The following COL6A2 variants were observed in gnomAD, a reference collection of about 807,000 sequenced individuals.
COL6A2 encodes the protein collagen type VI alpha 2 chain.
A neutral mutation model predicts 124.9 loss-of-function variants in COL6A2; 90 were observed. The ratio of observed to expected loss-of-function variants is 0.72; its 90% CI spans 0.61 to 0.86. The LOEUF (loss-of-function observed/expected upper bound fraction) is 0.86. COL6A2 is among the 40% of genes least tolerant of loss of function. The pLI is 0.00. For missense variants in COL6A2, 1,607 were observed against 1,502.5 expected (o/e 1.07, Z -1.15); for synonymous variants, 793 against 618.2 (o/e 1.28, Z -4.19).
At chr21:46,108,103 TATA>T (rs2078355185) in intron 1 of COL6A2, among the ~76,000 whole-genome samples, 2 of 136,414 alleles carry the variant, frequency 1.5e-5, no homozygotes, top group African/African-American at 3.0e-5. Flanking sequence ...TATATATATA[TATA>T]TTTTTTTTTC....
chr21:46,127,002 G>C (rs771557018), intron 27 of COL6A2, among the ~76,000 whole-genome samples: 2 of 22,878 alleles, frequency 8.7e-5, no homozygotes, highest in Admixed American at 6.1e-4. Flanking sequence ...CGGAGCTGCA[G>C]CTGCGGCTCT....
Position 46,112,101 on chromosome 21 carries a change from C to T in COL6A2, c.238C>T (p.Gln80Ter). 1 of 1,613,220 alleles carries T rather than the reference C, an allele frequency of 6.2e-7. No individual in the cohort carries two copies. The highest frequency in any genetic ancestry group is 8.5e-7 in the Non-Finnish European group (1 of 1,180,032). Residue 80 changes from glutamine (Q) to a stop codon, truncating the protein, a stop_gained, in exon 3 of 28, where the codon CAG becomes TAG. Coordinates refer to ENST00000300527, the MANE Select transcript of COL6A2 (RefSeq NM_001849.4). LOFTEE classifies it high-confidence loss of function. The part of the protein sequence containing the change: ...MKQFVPQFIS[Q>*]LQNEFYLDQV... ...GCAGTTCGTGCCGCAGTTCATCAGCCAGCTGCAGAACGAGTTCTACCTGGA... is the reference window on the plus strand; with the variant it reads ...GCAGTTCGTGCCGCAGTTCATCAGCTAGCTGCAGAACGAGTTCTACCTGGA...
intron 27 of COL6A2, chr21:46,129,297 C>G (rs77011930): frequency 6.2e-7 from 1 of 1,612,950 alleles, no homozygotes. Flanking sequence ...CCAACAGTTG[C>G]TAAACGCCAC....
At chr21:46,103,715 C>G (rs2078310045) in intron 1 of COL6A2, among the ~76,000 whole-genome samples, 2 of 152,146 alleles carry the variant, frequency 1.3e-5, no homozygotes, top group South Asian at 4.1e-4. Context: ...GTCCTTGTTG[C>G]TGATTTTTAA....
chr21:46,126,675 C>T, intron 27 of COL6A2, 134 bp downstream of exon 27: 2 of 1,080,296 alleles, frequency 1.9e-6, no homozygotes, highest in Non-Finnish European at 2.8e-6. Flanking sequence ...GAGGCTGCTC[C>T]TTAGGGAGAT....
intron 21 of COL6A2, among the ~76,000 whole-genome samples, chr21:46,123,652 GATAC>G: frequency 3.3e-5 from 5 of 151,092 alleles, no homozygotes; most frequent in Non-Finnish European, 7.4e-5. Flanking sequence ...TGGATAAGTG[GATAC>G]ATGGGTGAAT....
chr21:46,123,685 GTAGGTGGGTAGGTGGGTAGATGGA>G (rs2078604391), intron 21 of COL6A2, among the ~76,000 whole-genome samples: 1 of 63,142 alleles, frequency 1.6e-5, no homozygotes, highest in Non-Finnish European at 3.6e-5. Context: ...GTATGGGTGA[GTAGGTGGGTAGGTGGGTAGATGGA>G]TGGGTGGGTG....
intron 27 of COL6A2, among the ~76,000 whole-genome samples, 197 bp downstream of exon 27, chr21:46,126,738 AG>A (rs1248715627): frequency 6.6e-6 from 1 of 152,150 alleles, no homozygotes; most frequent in Non-Finnish European, 1.5e-5. Context: ...GCAGGCTCCC[AG>A]GAACGCAGGA....
chr21:46,121,909 C>CT lies in COL6A2; in HGVS notation c.1522-199_1522-198insT, dbSNP rs113533729. On this transcript the variant is annotated intron_variant, in intron 18 of 27. Transcript: ENST00000300527. ...GTCCTCCCCGCGTGTGGGCAGGCTT[C>CT]GGGTCTCTAGGCACGTCCAGCCCCC... Among the ~76,000 whole-genome samples the CT allele has an allele frequency of 0.21, 31,281 of 152,064 alleles. 3,861 individuals carry two copies. Among genetic ancestry groups the CT allele is most frequent in the African/African-American group, 0.34 (14,278 of 41,440 alleles).
chr21:46,118,662 G>C lies in COL6A2; in HGVS notation c.1165G>C (p.Ala389Pro). 6.2e-7 allele frequency: 1 copy of C among 1,611,140 alleles called. No homozygotes were observed. Among genetic ancestry groups the C allele is most frequent in the Non-Finnish European group, 8.5e-7 (1 of 1,179,456 alleles). Reference protein sequence around the residue: ...GRRGPPGEIGAKGSKGYQGNS... With the variant: ...GRRGPPGEIGPKGSKGYQGNS... The stretch of plus-strand genomic sequence containing the variant: ...CAGAGGGCCCCCGGGAGAAATCGGG[G>C]CCAAGGGAAGCAAGGTGAGCCCCTC... Residue 389 changes from alanine to proline, a missense_variant, in exon 13 of 28, where the codon GCC (alanine) becomes CCC (proline). Ala to Pro is a conservative substitution (Grantham distance 27, BLOSUM62 -1). Transcript: ENST00000300527.
rs1051337893 is a variant in COL6A2 at position 46,126,119 on chromosome 21, G to A, written c.2304G>A (p.Glu768=). 2 of 1,612,348 alleles carry A rather than the reference G, an allele frequency of 1.2e-6. No homozygotes were observed. Among genetic ancestry groups the A allele is most frequent in the African/African-American group, 1.3e-5 (1 of 74,940 alleles). Residue 768 remains glutamate, a synonymous_variant, in exon 26 of 28, where the codon GAG becomes GAA. Coordinates refer to ENST00000300527, the MANE Select transcript of COL6A2 (RefSeq NM_001849.4). Reference sequence around the variant, plus strand: ...GGGACATGTTCCACGAGAAGCACGAGAGTGAAAACCTCTACTCCATCGCCT... The same window carrying A: ...GGGACATGTTCCACGAGAAGCACGAAAGTGAAAACCTCTACTCCATCGCCT... ...GIGDMFHEKH[E]SENLYSIACD... is the part of the protein sequence containing the mutation.
intron 27 of COL6A2, among the ~76,000 whole-genome samples, chr21:46,127,639 C>T (rs963899150): frequency 7.2e-5 from 11 of 152,180 alleles, no homozygotes; most frequent in African/African-American, 2.4e-4. Context: ...CCTCCACCCA[C>T]CCCCTCGTTC....
chr21:46,129,328 C>T lies in COL6A2; in HGVS notation c.2462-2626C>T, dbSNP rs762547540. 10 of 1,612,932 alleles carry T rather than the reference C, an allele frequency of 6.2e-6. No individual in the cohort carries two copies. The East Asian group carries it at 1.6e-4, about 25-fold the overall frequency. The stretch of plus-strand genomic sequence containing the variant: ...GCCACGGAGCTCACGCAGGACCCGG[C>T]CGCCTACTCCCAGCTGGTGGCCGTG... On this transcript the variant is annotated intron_variant, in intron 27 of 27. Transcript: ENST00000300527.
At chr21:46,102,707 T>C (rs1601203264) in intron 1 of COL6A2, among the ~76,000 whole-genome samples, 1 of 12,358 alleles carries the variant, frequency 8.1e-5, no homozygotes, top group African/African-American at 1.3e-4. Flanking sequence ...CATTGATTGA[T>C]TTTTTTTTTT....
chr21:46,126,546 T>C lies in COL6A2; in HGVS notation c.2461+5T>C, dbSNP rs2078672474. ...CAGACCTTCCCTGCCAAACAGGTAA[T>C]GCAGGGCACCCTGAGCCACCACCCC... On this transcript the variant is annotated splice_donor_5th_base_variant and intron_variant, in intron 27 of 27. Coordinates refer to ENST00000300527, the MANE Select transcript of COL6A2 (RefSeq NM_001849.4). 1.2e-6 allele frequency: 2 copies of C among 1,613,342 alleles called. No homozygotes were observed. Among genetic ancestry groups the C allele is most frequent in the South Asian group, 1.1e-5 (1 of 91,078 alleles).
Position 46,123,155 on chromosome 21 carries a change from TC to T in COL6A2, c.1671+225del, listed in dbSNP as rs1186250178. Among the ~76,000 whole-genome samples the T allele has an allele frequency of 2.6e-3, 45 of 17,294 alleles. No individual in the cohort carries two copies. The South Asian group carries it at 0.093, about 36-fold the overall frequency. The allele number at this position is 17,294 out of a possible 152,430, so 11.3% of individuals were successfully genotyped here. ...TCCCCTCCCCAGTGACCCCCCAACA[TC>T]CCCCCCACAGCATCCCCCACAAGGG... On this transcript the variant is annotated intron_variant, in intron 21 of 27. Coordinates refer to ENST00000300527, the MANE Select transcript of COL6A2 (RefSeq NM_001849.4).
intron 14 of COL6A2, 96 bp from the exon 15 acceptor site, chr21:46,119,692 A>C: frequency 1.8e-6 from 2 of 1,129,372 alleles, no homozygotes; most frequent in Non-Finnish European, 2.6e-6. Flanking sequence ...GCCCTCCTGT[A>C]GAGAAGGAGC....
intron 27 of COL6A2, chr21:46,128,981 C>T (rs2078717934): frequency 6.2e-7 from 1 of 1,608,140 alleles, no homozygotes; most frequent in Non-Finnish European, 8.5e-7. Context: ...GTGCGGGTCT[C>T]CTAGCTCCCT....
Position 46,132,701 on chromosome 21 carries a change from T to G in COL6A2, c.*149T>G, listed in dbSNP as rs1601271108. 2 of 808,424 alleles carry G rather than the reference T, an allele frequency of 2.5e-6. No homozygotes were observed. The highest frequency in any genetic ancestry group is 2.7e-5 in the East Asian group (1 of 37,002). 50.1% of individuals were successfully genotyped at this position (808,424 alleles called of 1,614,324 possible). On this transcript the variant is annotated 3_prime_UTR_variant, in exon 28 of 28. Transcript: ENST00000300527. The stretch of plus-strand genomic sequence containing the variant: ...TCCAGCTCCTCCCACGGGGTCCCCG[T>G]AGCCCCGGCCCCCGCCCAGCCCCAG...
Sources: gnomAD v4.1 joint callset for allele counts (sites outside exome capture counted in the v4.1 genomes callset) on GRCh38, gnomAD v4.1.1 for gene constraint, MANE v1.5 for transcripts, NCBI Gene and HGNC (gene_info 2026-07-23, HGNC 2026-07-21) for gene names.